Variants in EPHA3 observed in about 807,000 individuals in gnomAD.
EPHA3 encodes the protein ephrin type-A receptor 3.
A neutral mutation model predicts 107.1 loss-of-function variants in EPHA3; 42 were observed. The observed-to-expected ratio is 0.39, with a 90% CI of 0.31 to 0.51. EPHA3 has a LOEUF of 0.51. Ranked by LOEUF, EPHA3 falls within the 20% of genes least tolerant of loss-of-function variation. EPHA3 has a pLI of 0.78. For synonymous variants in EPHA3, 461 were observed against 424.8 expected, an observed-to-expected ratio of 1.09 and a Z score of -1.05; for missense variants, 1,183 against 1,211.2, an observed-to-expected ratio of 0.98 and a Z score of 0.35.
intron 3 of EPHA3, among the ~76,000 whole-genome samples, chr3:89,306,210 C>A (rs1706617608): frequency 6.6e-6 from 1 of 152,080 alleles, no homozygotes; most frequent in African/African-American, 2.4e-5. Flanking sequence ...AAACCTGAGG[C>A]ACAAAGAGAT....
chr3:89,391,676 G>A (rs1238691859), intron 5 of EPHA3, among the ~76,000 whole-genome samples: 2 of 150,908 alleles, frequency 1.3e-5, no homozygotes, highest in South Asian at 2.1e-4. Context: ...CTCATGATCC[G>A]CCCGCCTCGG....
At chr3:89,358,534 T>G (rs1708016411) in intron 5 of EPHA3, among the ~76,000 whole-genome samples, 1 of 150,916 alleles carries the variant, frequency 6.6e-6, no homozygotes, top group African/African-American at 2.4e-5. Flanking sequence ...AGCTCTCAAT[T>G]TAGGACATCT....
chr3:89,126,103 T>A (rs768119882), intron 1 of EPHA3, among the ~76,000 whole-genome samples: 1 of 151,726 alleles, frequency 6.6e-6, no homozygotes, highest in South Asian at 2.1e-4. Context: ...GTGCGGTGTA[T>A]GTATTTACAT....
intron 3 of EPHA3, among the ~76,000 whole-genome samples, chr3:89,249,489 C>A (rs1291779478): frequency 6.6e-6 from 1 of 152,078 alleles, no homozygotes; most frequent in Non-Finnish European, 1.5e-5. Context: ...GAGACAGGGT[C>A]TGGCTCTGGC....
intron 3 of EPHA3, among the ~76,000 whole-genome samples, chr3:89,273,375 T>C (rs1417059297): frequency 2.0e-5 from 3 of 151,998 alleles, no homozygotes; most frequent in Non-Finnish European, 4.4e-5. Flanking sequence ...CTCTCACTGT[T>C]TATACCTTAG....
chr3:89,310,164 G>A (rs933059429), intron 3 of EPHA3, among the ~76,000 whole-genome samples: 2 of 152,026 alleles, frequency 1.3e-5, no homozygotes, highest in African/African-American at 4.8e-5. Context: ...AGCCCTTTGA[G>A]CAGTTCAGGC....
chr3:89,278,939 T>C (rs1219255086), intron 3 of EPHA3, among the ~76,000 whole-genome samples: 1 of 152,210 alleles, frequency 6.6e-6, no homozygotes, highest in Non-Finnish European at 1.5e-5. Flanking sequence ...TCTTTTTAAC[T>C]CGAGGATTCT....
chr3:89,481,112 A>G lies in EPHA3; in HGVS notation c.*1610A>G. 8.6e-6 allele frequency: 2 copies of G among 232,072 alleles called. No homozygotes were observed. Among genetic ancestry groups the G allele is most frequent in the Non-Finnish European group, 1.7e-5 (2 of 117,308 alleles). 14.4% of individuals were successfully genotyped at this position (232,072 alleles called of 1,614,324 possible). A position where few individuals can be genotyped will look rare whatever the true frequency, so the allele number is the denominator to read the frequency against. Reference sequence around the variant, plus strand: ...ATATGATCTTGAGTATAAGAAATGCATATGTCACTAGAATGGATAAAATAA... The same window carrying G: ...ATATGATCTTGAGTATAAGAAATGCGTATGTCACTAGAATGGATAAAATAA... On this transcript the variant is annotated 3_prime_UTR_variant, in exon 17 of 17. Transcript: ENST00000336596.
intron 2 of EPHA3, among the ~76,000 whole-genome samples, chr3:89,176,843 A>G (rs1705330145): frequency 6.6e-6 from 1 of 152,222 alleles, no homozygotes; most frequent in African/African-American, 2.4e-5. Flanking sequence ...AAATTTTCAA[A>G]ATGGCTTTCA....
chr3:89,309,874 C>A (rs1436345028), intron 3 of EPHA3, among the ~76,000 whole-genome samples: 6 of 151,568 alleles, frequency 4.0e-5, no homozygotes, highest in Non-Finnish European at 7.4e-5. Context: ...AATGCCACCC[C>A]CCACCCCCCA....
intron 7 of EPHA3, among the ~76,000 whole-genome samples, chr3:89,404,274 A>G (rs1298095982): frequency 3.3e-5 from 5 of 152,188 alleles, no homozygotes; most frequent in Non-Finnish European, 7.3e-5. Flanking sequence ...ACTTTTGCAA[A>G]GTTTTAACCA....
At chr3:89,326,249 A>G (rs1576313187) in intron 3 of EPHA3, among the ~76,000 whole-genome samples, 1 of 152,278 alleles carries the variant, frequency 6.6e-6, no homozygotes, top group East Asian at 1.9e-4. Context: ...ATTTGCAAAT[A>G]GCCTATTGCA....
intron 1 of EPHA3, 83 bp downstream of exon 1, chr3:89,107,919 G>A: frequency 1.5e-6 from 2 of 1,358,728 alleles, no homozygotes; most frequent in East Asian, 2.3e-5. Context: ...AGCCTTGCAC[G>A]TCGGGAAGGT....
intron 2 of EPHA3, among the ~76,000 whole-genome samples, chr3:89,170,887 G>A (rs966003553): frequency 3.3e-5 from 5 of 151,004 alleles, no homozygotes; most frequent in African/African-American, 9.7e-5. Context: ...CTAGTGGATC[G>A]TTAAATAGAA....
At chr3:89,244,176 G>A (rs1704976728) in intron 3 of EPHA3, among the ~76,000 whole-genome samples, 1 of 151,970 alleles carries the variant, frequency 6.6e-6, no homozygotes, top group African/African-American at 2.4e-5. Context: ...ATTATTGGGG[G>A]AAATTGGCTC....
At chr3:89,140,066 T>A (rs1231110576) in intron 2 of EPHA3, among the ~76,000 whole-genome samples, 3 of 151,788 alleles carry the variant, frequency 2.0e-5, no homozygotes, top group Non-Finnish European at 4.4e-5. Flanking sequence ...TCCATTCTCG[T>A]GAATGTGTAT....
At chr3:89,221,314 T>G (rs959180574) in intron 3 of EPHA3, among the ~76,000 whole-genome samples, 1 of 152,218 alleles carries the variant, frequency 6.6e-6, no homozygotes, top group Admixed American at 6.5e-5. Context: ...TTCCTTAAGC[T>G]ATTCACTTGT....
At chr3:89,155,962 CA>C (rs1235383055) in intron 2 of EPHA3, among the ~76,000 whole-genome samples, 1 of 151,938 alleles carries the variant, frequency 6.6e-6, no homozygotes, top group Non-Finnish European at 1.5e-5. Flanking sequence ...TTACAAGAAA[CA>C]GATTGTAAGT....
At chr3:89,112,592 G>A (rs1339543763) in intron 1 of EPHA3, among the ~76,000 whole-genome samples, 1 of 150,230 alleles carries the variant, frequency 6.7e-6, no homozygotes, top group African/African-American at 2.5e-5. Flanking sequence ...GATTTTTAAA[G>A]GCAAAATATA....
Sources: gnomAD v4.1 joint callset for allele counts (sites outside exome capture counted in the v4.1 genomes callset) on GRCh38, gnomAD v4.1.1 for gene constraint, MANE v1.5 for transcripts, NCBI Gene and HGNC (gene_info 2026-07-23, HGNC 2026-07-21) for gene names.